The following PTGER4 variants were observed in gnomAD, a reference collection of about 807,000 sequenced individuals.
PTGER4 encodes the protein prostaglandin E2 receptor EP4 subtype.
Under a neutral mutation model 33.2 loss-of-function variants are expected in PTGER4, and 11 were observed. The observed-to-expected ratio is 0.33, with a 90% confidence interval of 0.21 to 0.55. PTGER4 has a LOEUF of 0.55. PTGER4 is among the 20% of genes least tolerant of loss of function. PTGER4 has a pLI of 0.92. For missense variants in PTGER4, 481 were observed against 650.2 expected, an observed-to-expected ratio of 0.74 and a Z score of 2.83; for synonymous variants, 275 against 281.5, an observed-to-expected ratio of 0.98 and a Z score of 0.23.
the PTGER4 span, chr5:40,716,047 C>T: frequency 1.0e-6 from 1 of 994,504 alleles, no homozygotes; most frequent in Non-Finnish European, 1.4e-6. Flanking sequence ...ATTTTACAAC[C>T]AGGCGTTCTC....
chr5:40,735,866 T>C, the PTGER4 span, among the ~76,000 whole-genome samples: 1 of 152,154 alleles, frequency 6.6e-6, no homozygotes, highest in Admixed American at 6.6e-5. Context: ...TGATAACCTT[T>C]ACAAAAGCAG....
chr5:40,699,011 C>T, the PTGER4 span, among the ~76,000 whole-genome samples: 3 of 152,034 alleles, frequency 2.0e-5, no homozygotes, highest in African/African-American at 7.2e-5. Context: ...CCCATGGCCA[C>T]CCATGATGTA....
chr5:40,686,658 T>A (rs115754422), intron 2 of PTGER4, among the ~76,000 whole-genome samples: 28 of 152,330 alleles, frequency 1.8e-4, no homozygotes, highest in African/African-American at 6.7e-4. Context: ...TCTGAACTTA[T>A]TGCATTTCCT....
the PTGER4 span, among the ~76,000 whole-genome samples, chr5:40,711,991 G>A: frequency 6.6e-6 from 1 of 152,078 alleles, no homozygotes; most frequent in African/African-American, 2.4e-5. Context: ...GGATGGTAGT[G>A]GTGGTGAAGT....
chr5:40,691,966 G>A lies in PTGER4; in HGVS notation c.1055G>A (p.Gly352Asp). 1.9e-6 allele frequency: 3 copies of A among 1,614,204 alleles called. No homozygotes were observed. The highest frequency in any genetic ancestry group is 2.5e-6 in the Non-Finnish European group (3 of 1,180,038). ...EKIKCLFCRI[G>D]GSRRERSGQH... Reference sequence around the variant, plus strand: ...ATCAAATGCCTCTTCTGCCGCATTGGCGGGTCCCGCAGGGAGCGCTCCGGA... The same window carrying A: ...ATCAAATGCCTCTTCTGCCGCATTGACGGGTCCCGCAGGGAGCGCTCCGGA... Residue 352 changes from glycine (G) to aspartate (D), a missense_variant, in exon 3 of 3, where the codon GGC becomes GAC. Physicochemically the swap from Gly to Asp is moderately conservative, Grantham distance 94. Around this residue, in one of 7 missense-constraint regions of PTGER4, gnomAD observed 172 missense variants for 199.2 expected, o/e 0.86. Transcript: ENST00000302472. This position sits in a 1 kb window ranked among gnomAD's most constrained non-coding sequence, Gnocchi z 4.2.
At chr5:40,718,617 C>T in the PTGER4 span, among the ~76,000 whole-genome samples, 1 of 151,410 alleles carries the variant, frequency 6.6e-6, no homozygotes, top group East Asian at 2.0e-4. Flanking sequence ...GCACCCTCCA[C>T]GTGGTGGCTA....
the PTGER4 span, among the ~76,000 whole-genome samples, chr5:40,713,147 A>G: frequency 6.6e-6 from 1 of 152,174 alleles, no homozygotes; most frequent in South Asian, 2.1e-4. Context: ...GATAATTATT[A>G]TGGAACTATG....
the PTGER4 span, among the ~76,000 whole-genome samples, chr5:40,704,895 C>A: frequency 4.2e-3 from 635 of 152,268 alleles, 3 homozygotes; most frequent in African/African-American, 0.015. Flanking sequence ...AATGGCTATA[C>A]TACCCAAAGC....
the PTGER4 span, among the ~76,000 whole-genome samples, chr5:40,700,763 AG>A: frequency 4.4e-5 from 3 of 67,890 alleles, no homozygotes; most frequent in African/African-American, 7.1e-5. Context: ...CCAGCACTCA[AG>A]GGGTAGAGGA....
At chr5:40,733,565 T>C in the PTGER4 span, among the ~76,000 whole-genome samples, 4 of 152,248 alleles carry the variant, frequency 2.6e-5, no homozygotes, top group African/African-American at 7.2e-5. Context: ...TCCTATTTTC[T>C]GCCCAACTCA....
chr5:40,739,714 G>A, the PTGER4 span, among the ~76,000 whole-genome samples: 51 of 152,284 alleles, frequency 3.3e-4, no homozygotes, highest in Non-Finnish European at 7.1e-4. Flanking sequence ...CCACAGAACC[G>A]TGAGCCAATT....
chr5:40,695,151 C>CTT (rs1291579988), downstream of PTGER4, among the ~76,000 whole-genome samples: 1 of 152,194 alleles, frequency 6.6e-6, no homozygotes, highest in African/African-American at 2.4e-5. Context: ...TGGCTCACAC[C>CTT]TGTAATCTCA....
rs756214121 is a variant in PTGER4, at chr5:40,691,904, C to G, written c.993C>G (p.Leu331=). Residue 331 remains leucine (L), a synonymous_variant, in exon 3 of 3, where the codon CTC becomes CTG. Transcript: ENST00000302472. The surrounding 1 kb of genome is among the most constrained non-coding windows in gnomAD (Gnocchi z 4.2). ...TCCTAGACCCCTGGATATATATCCT[C>G]CTGAGAAAGACAGTGCTCAGTAAAG... ...NPILDPWIYI[L]LRKTVLSKAI... is the part of the protein sequence containing the mutation. 4 of 1,614,244 alleles carry G rather than the reference C, an allele frequency of 2.5e-6. No individual in the cohort carries two copies. The South Asian group carries it at 4.4e-5, about 18-fold the overall frequency.
downstream of PTGER4, among the ~76,000 whole-genome samples, chr5:40,696,345 A>G (rs772699146): frequency 4.6e-5 from 7 of 152,186 alleles, no homozygotes; most frequent in Non-Finnish European, 8.8e-5. Context: ...GTTTCTTCCA[A>G]TACTGCCCCC....
At chr5:40,737,639 G>A in the PTGER4 span, among the ~76,000 whole-genome samples, 1 of 152,072 alleles carries the variant, frequency 6.6e-6, no homozygotes. Context: ...ACTTTCTGAT[G>A]AGTTTTGAGA....
the PTGER4 span, among the ~76,000 whole-genome samples, chr5:40,736,775 G>A: frequency 6.6e-6 from 1 of 152,226 alleles, no homozygotes; most frequent in African/African-American, 2.4e-5. Flanking sequence ...TTTGACCTAT[G>A]AGGTAGAAAT....
At chr5:40,740,775 A>G in the PTGER4 span, among the ~76,000 whole-genome samples, 1 of 152,156 alleles carries the variant, frequency 6.6e-6, no homozygotes, top group Non-Finnish European at 1.5e-5. Context: ...AGATTTACTC[A>G]GTTCCCACCC....
At chr5:40,705,835 G>T in the PTGER4 span, among the ~76,000 whole-genome samples, 1 of 152,136 alleles carries the variant, frequency 6.6e-6, no homozygotes, top group Non-Finnish European at 1.5e-5. Flanking sequence ...GATGCTAGCT[G>T]GCAAGGTTGT....
At position 40,682,770 on chromosome 5, in the gene PTGER4, C is replaced by T. The variant is rs1741231544; in HGVS notation, c.867+910C>T. 2.0e-5 allele frequency among the ~76,000 whole-genome samples: 3 copies of T among 152,202 alleles called. No individual in the cohort carries two copies. The South Asian group carries it at 6.2e-4, about 31-fold the overall frequency. The stretch of plus-strand genomic sequence containing the variant: ...CAAAGCTCTACAGCTTGTAATGGAC[C>T]TTAGGCCGTCTGAGGCCAGACCCAG... On this transcript the variant is annotated intron_variant, in intron 2 of 2. Transcript: ENST00000302472.
Sources: gnomAD v4.1 joint callset for allele counts (sites outside exome capture counted in the v4.1 genomes callset) on GRCh38, gnomAD v4.1.1 for gene constraint, gnomAD v4.1.1 regional missense constraint, Gnocchi (gnomAD v3.1) non-coding constraint, MANE v1.5 for transcripts, NCBI Gene and HGNC (gene_info 2026-07-23, HGNC 2026-07-21) for gene names.